Variants in DCDC1 observed in about 807,000 individuals in gnomAD.
DCDC1 encodes the protein doublecortin domain containing 1, also known as doublecortin domain-containing protein 1.
DCDC1 carries 200 observed loss-of-function variants against 178.3 expected under a neutral mutation model. The observed-to-expected ratio is 1.12, with a 90% CI of 1.00 to 1.26. The LOEUF is 1.26. Ranked by LOEUF, DCDC1 falls within the 50% of genes most tolerant of loss-of-function variation. The pLI is 0.00. For synonymous variants in DCDC1, 690 were observed against 604.8 expected (o/e 1.14, Z -2.07); for missense variants, 1,983 against 1,749.2 (o/e 1.13, Z -2.38).
intron 9 of DCDC1, among the ~76,000 whole-genome samples, chr11:31,233,896 T>C (rs759999029): frequency 2.6e-5 from 4 of 152,306 alleles, no homozygotes; most frequent in Middle Eastern, 3.4e-3. Flanking sequence ...AGCTATTGAG[T>C]AATCAAAATG....
chr11:30,916,933 T>A lies in DCDC1; in HGVS notation c.3389A>T (p.Asp1130Val). 1 of 1,611,292 alleles carries A rather than the reference T, an allele frequency of 6.2e-7. No individual in the cohort carries two copies. Among genetic ancestry groups the A allele is most frequent in the Non-Finnish European group, 8.5e-7 (1 of 1,178,682 alleles). Reference protein sequence around the residue: ...QETSHDFDEDDSLPKKTEKGL... With the variant: ...QETSHDFDEDVSLPKKTEKGL... Reference sequence around the variant, plus strand: ...TTTTTCCGTTTTCTTTGGAAGACTGTCATCCTCATCAAAGTCATGTGAAGT... The same window carrying A: ...TTTTTCCGTTTTCTTTGGAAGACTGACATCCTCATCAAAGTCATGTGAAGT... Residue 1130 changes from aspartate (D) to valine (V), a missense_variant, in exon 26 of 39, where the codon GAC (aspartate) becomes GTC (valine). Transcript: ENST00000684477.
At chr11:30,926,225 A>G (rs889585503) in intron 22 of DCDC1, among the ~76,000 whole-genome samples, 1 of 152,186 alleles carries the variant, frequency 6.6e-6, no homozygotes, top group African/African-American at 2.4e-5. Flanking sequence ...TAAAGGATAA[A>G]CAGGATTTCA....
intron 37 of DCDC1, among the ~76,000 whole-genome samples, chr11:30,880,558 C>T (rs1942570950): frequency 2.0e-5 from 3 of 152,116 alleles, no homozygotes; most frequent in Admixed American, 2.0e-4. Flanking sequence ...AGAGTGATAA[C>T]AGTGTTCTTC....
intron 20 of DCDC1, among the ~76,000 whole-genome samples, chr11:31,034,364 C>A (rs288471): frequency 6.6e-6 from 1 of 151,778 alleles, no homozygotes; most frequent in African/African-American, 2.4e-5. Flanking sequence ...TATGAATTTA[C>A]TGTAGCCTAA....
intron 7 of DCDC1, among the ~76,000 whole-genome samples, chr11:31,281,215 C>T (rs1328219305): frequency 6.6e-6 from 1 of 151,982 alleles, no homozygotes; most frequent in Non-Finnish European, 1.5e-5. Context: ...TTTATTTCTT[C>T]CTTTCAAATT....
chr11:31,262,713 A>C (rs1944877116), intron 8 of DCDC1: 1 of 205,558 alleles, frequency 4.9e-6, no homozygotes. Flanking sequence ...AAGTTCAGAA[A>C]ACCATCCAAC....
chr11:31,042,555 T>G (rs1269587149), intron 20 of DCDC1, among the ~76,000 whole-genome samples: 2 of 152,166 alleles, frequency 1.3e-5, no homozygotes, highest in African/African-American at 4.8e-5. Context: ...ATAGTTTGAA[T>G]ACCAATCAAA....
At chr11:31,052,801 C>T (rs1021912040) in intron 20 of DCDC1, among the ~76,000 whole-genome samples, 3 of 152,100 alleles carry the variant, frequency 2.0e-5, no homozygotes, top group African/African-American at 4.8e-5. Flanking sequence ...AATAGTGACA[C>T]AACCTATTAA....
intron 9 of DCDC1, among the ~76,000 whole-genome samples, chr11:31,191,015 G>C (rs145631812): frequency 6.6e-6 from 1 of 151,898 alleles, no homozygotes; most frequent in Non-Finnish European, 1.5e-5. Context: ...ATACAGCCTA[G>C]GTACATCCTC....
chr11:31,361,507 A>C (rs1041017646), intron 1 of DCDC1, among the ~76,000 whole-genome samples: 1 of 152,134 alleles, frequency 6.6e-6, no homozygotes, highest in Non-Finnish European at 1.5e-5. Flanking sequence ...TTAAGACAAG[A>C]GTCTTGCCCT....
chr11:31,326,761 C>G (rs1433824025), intron 3 of DCDC1, among the ~76,000 whole-genome samples: 1 of 152,118 alleles, frequency 6.6e-6, no homozygotes, highest in Non-Finnish European at 1.5e-5. Flanking sequence ...AACATTCAAA[C>G]TGATCTAGGA....
chr11:31,293,253 AG>A (rs1947361677), intron 6 of DCDC1, among the ~76,000 whole-genome samples: 1 of 152,178 alleles, frequency 6.6e-6, no homozygotes. Context: ...GAATCTACTC[AG>A]AGTATTTGAG....
chr11:31,144,844 C>A (rs1591204071), intron 9 of DCDC1, among the ~76,000 whole-genome samples: 1 of 152,146 alleles, frequency 6.6e-6, no homozygotes, highest in South Asian at 2.1e-4. Flanking sequence ...CAAATATTTT[C>A]TCAGTATATT....
intron 9 of DCDC1, among the ~76,000 whole-genome samples, chr11:31,208,577 T>G (rs1972132451): frequency 6.6e-6 from 1 of 152,096 alleles, no homozygotes; most frequent in Non-Finnish European, 1.5e-5. Flanking sequence ...TCATGTCACC[T>G]CCATGCTTAA....
intron 20 of DCDC1, among the ~76,000 whole-genome samples, chr11:31,042,469 A>G (rs1407782250): frequency 6.6e-6 from 1 of 152,148 alleles, no homozygotes; most frequent in African/African-American, 2.4e-5. Flanking sequence ...GAAGATCTAT[A>G]CAATTATTTC....
intron 7 of DCDC1, among the ~76,000 whole-genome samples, chr11:31,282,804 AT>A (rs1040469494): frequency 6.6e-5 from 10 of 152,096 alleles, no homozygotes; most frequent in African/African-American, 2.4e-4. Flanking sequence ...TATTTCGAAG[AT>A]TTTTTTTAAA....
At chr11:31,230,721 G>A (rs762262073) in intron 9 of DCDC1, among the ~76,000 whole-genome samples, 24 of 152,092 alleles carry the variant, frequency 1.6e-4, no homozygotes, top group Non-Finnish European at 2.5e-4. Context: ...AGAAAACTAT[G>A]TACCAACATT....
intron 9 of DCDC1, among the ~76,000 whole-genome samples, chr11:31,213,105 CTCTCT>C (rs2136559221): frequency 5.3e-5 from 1 of 18,788 alleles, no homozygotes; most frequent in East Asian, 2.8e-3. Flanking sequence ...CCCAGCCTCT[CTCTCT>C]CTCTCTCTCT....
chr11:30,915,849 C>T (rs1945793166), intron 26 of DCDC1, 138 bp from the exon 27 acceptor site: 2 of 793,780 alleles, frequency 2.5e-6, no homozygotes, highest in South Asian at 1.7e-5. Context: ...TAGACCATAT[C>T]ATTAGAATGA....
Sources: allele counts gnomAD v4.1 joint callset (sites outside exome capture counted in the v4.1 genomes callset), GRCh38; gene constraint gnomAD v4.1.1; transcripts MANE v1.5; gene names NCBI Gene and HGNC (gene_info 2026-07-23, HGNC 2026-07-21).